H2AZ2: variants seen among roughly 807,000 people sequenced by gnomAD.
H2AZ2 encodes histone H2A.V.
H2AZ2 carries 5 observed loss-of-function variants against 15.5 expected under a neutral mutation model. The observed-to-expected ratio is 0.32, with a 90% confidence interval of 0.17 to 0.68. The LOEUF (loss-of-function observed/expected upper bound fraction) is 0.68. H2AZ2 is among the 30% of genes least tolerant of loss of function. H2AZ2 has a pLI of 0.72. For missense variants in H2AZ2, 42 were observed against 162.5 expected (o/e 0.26, Z 4.03); for synonymous variants, 44 against 57.4 (o/e 0.77, Z 1.05).
chr7:44,839,643 C>A (rs955102695), intron 3 of H2AZ2, among the ~76,000 whole-genome samples: 1 of 149,574 alleles, frequency 6.7e-6, no homozygotes, highest in South Asian at 2.1e-4. Context: ...GACTGCACCA[C>A]TGCACTCCAG....
intron 3 of H2AZ2, among the ~76,000 whole-genome samples, chr7:44,839,205 C>A (rs1159382549): frequency 1.3e-5 from 2 of 152,200 alleles, no homozygotes; most frequent in African/African-American, 2.4e-5. Context: ...CCCAAATCTT[C>A]ATAAACTACA....
Position 44,833,566 on chromosome 7 carries a change from G to T in H2AZ2, c.*935C>A. 2.3e-6 allele frequency: 1 copy of T among 444,186 alleles called. No homozygotes were observed. Among genetic ancestry groups the T allele is most frequent in the African/African-American group, 2.1e-5 (1 of 46,838 alleles). 27.5% of individuals were successfully genotyped at this position (444,186 alleles called of 1,614,324 possible). ...GCGTTTTACCATGTTGGCCAGGCTGGTCTCAAACTCCTGACCTCAAGTGTT... is the reference window on the plus strand; with the variant it reads ...GCGTTTTACCATGTTGGCCAGGCTGTTCTCAAACTCCTGACCTCAAGTGTT... On this transcript the variant is annotated 3_prime_UTR_variant, in exon 5 of 5. Transcript: ENST00000308153.
intron 3 of H2AZ2, 39 bp downstream of exon 3, chr7:44,840,860 T>C: frequency 1.4e-6 from 2 of 1,391,368 alleles, no homozygotes; most frequent in Non-Finnish European, 2.0e-6. Flanking sequence ...CTAGTGCACC[T>C]TCTGGATGGC....
At chr7:44,842,844 T>C (rs781235556) in intron 2 of H2AZ2, among the ~76,000 whole-genome samples, 19 of 152,040 alleles carry the variant, frequency 1.2e-4, no homozygotes, top group Non-Finnish European at 1.6e-4. Flanking sequence ...GCCTTCCTGA[T>C]TAAAAGGGTT....
chr7:44,829,460 G>T (rs1306130494), downstream of H2AZ2: 1 of 152,252 alleles, frequency 6.6e-6, no homozygotes, highest in South Asian at 2.1e-4. Flanking sequence ...AATTAGCTGG[G>T]CATGGTGGCG....
chr7:44,847,470 TA>T (rs1239713303), intron 1 of H2AZ2, among the ~76,000 whole-genome samples: 7 of 152,158 alleles, frequency 4.6e-5, no homozygotes, highest in African/African-American at 1.7e-4. Flanking sequence ...TTCTGGTCTA[TA>T]AAACCATTCT....
intron 3 of H2AZ2, among the ~76,000 whole-genome samples, chr7:44,836,889 G>A (rs967683120): frequency 2.0e-5 from 3 of 151,766 alleles, no homozygotes; most frequent in Non-Finnish European, 4.4e-5. Flanking sequence ...CCAGCTACTC[G>A]GGAGGGTGAG....
downstream of H2AZ2, among the ~76,000 whole-genome samples, chr7:44,830,908 T>C (rs1486387060): frequency 6.6e-6 from 1 of 152,074 alleles, no homozygotes; most frequent in Admixed American, 6.6e-5. Flanking sequence ...GTAGTCCCAG[T>C]TGCCTGGGAG....
intron 3 of H2AZ2, among the ~76,000 whole-genome samples, chr7:44,836,975 G>A (rs985708274): frequency 6.6e-6 from 1 of 151,658 alleles, no homozygotes; most frequent in Non-Finnish European, 1.5e-5. Flanking sequence ...CAGCCTGGAC[G>A]ACAGAGCGAG....
intron 3 of H2AZ2, among the ~76,000 whole-genome samples, chr7:44,837,433 G>GAAAAAAAAAAAAAAAAAAA (rs71011996): frequency 1.1e-5 from 1 of 87,270 alleles, no homozygotes; most frequent in Non-Finnish European, 2.1e-5. Flanking sequence ...AAAAAAAAAA[G>GAAAAAAAAAAAAAAAAAAA]AAAAAAAAAA....
At chr7:44,841,157 C>T (rs778373104) in intron 2 of H2AZ2, 145 bp from the exon 3 acceptor site, 19 of 604,366 alleles carry the variant, frequency 3.1e-5, no homozygotes, top group Non-Finnish European at 4.8e-5. Context: ...ATCAATAGTT[C>T]CCAGGGCCTG....
At chr7:44,838,997 T>C (rs574700029) in intron 3 of H2AZ2, among the ~76,000 whole-genome samples, 5 of 152,238 alleles carry the variant, frequency 3.3e-5, no homozygotes, top group African/African-American at 1.2e-4. Flanking sequence ...AAAGGAGGAA[T>C]AGGGATGGGG....
chr7:44,830,843 T>TAAAC (rs1028777918), downstream of H2AZ2, among the ~76,000 whole-genome samples: 1 of 151,840 alleles, frequency 6.6e-6, no homozygotes, highest in Non-Finnish European at 1.5e-5. Context: ...ACTACACAAA[T>TAAAC]AAACAAACAA....
intron 4 of H2AZ2, 101 bp downstream of exon 4, chr7:44,835,422 GTTTATA>G (rs1793095469): frequency 1.2e-6 from 1 of 833,658 alleles, no homozygotes; most frequent in Non-Finnish European, 1.8e-6. Context: ...TGAAATTAAA[GTTTATA>G]TGCTTTCTAG....
chr7:44,835,620 T>C lies in H2AZ2; in HGVS notation c.234A>G (p.Lys78=). Reference sequence around the variant, plus strand: ...AGTGACGCGGAGTGATACGCTTTACTTTGAGATCCTTAGAAGCATTACCTG... The same window carrying C: ...AGTGACGCGGAGTGATACGCTTTACCTTGAGATCCTTAGAAGCATTACCTG... The part of the protein sequence containing the change: ...ELAGNASKDL[K]VKRITPRHLQ... Residue 78 remains lysine, a synonymous_variant, in exon 4 of 5, where the codon AAA becomes AAG. Transcript: ENST00000308153. 1 of 1,612,488 alleles carries C rather than the reference T, an allele frequency of 6.2e-7. No homozygotes were observed. Among genetic ancestry groups the C allele is most frequent in the Non-Finnish European group, 8.5e-7 (1 of 1,179,064 alleles).
intron 2 of H2AZ2, among the ~76,000 whole-genome samples, chr7:44,841,464 G>T (rs963359059): frequency 2.0e-5 from 3 of 152,082 alleles, no homozygotes; most frequent in Non-Finnish European, 4.4e-5. Context: ...GAAAAAGAGG[G>T]TATTTTTCTC....
rs1338314330 is a variant in H2AZ2 at position 44,833,346 on chromosome 7, C to T, written c.*1155G>A. Among the ~76,000 whole-genome samples the T allele has an allele frequency of 6.6e-6, 1 of 152,178 alleles. No individual in the cohort carries two copies. The highest frequency in any genetic ancestry group is 2.4e-5 in the African/African-American group (1 of 41,446). Reference sequence around the variant, plus strand: ...CTCCCGGGTTCACGTCATTCTCATGCCTCAGCCTCCTGAGTAGCTGGGACT... The same window carrying T: ...CTCCCGGGTTCACGTCATTCTCATGTCTCAGCCTCCTGAGTAGCTGGGACT... On this transcript the variant is annotated 3_prime_UTR_variant, in exon 5 of 5. Coordinates refer to ENST00000308153, the MANE Select transcript of H2AZ2 (RefSeq NM_012412.5).
chr7:44,842,338 A>C (rs1354062135), intron 2 of H2AZ2, among the ~76,000 whole-genome samples: 1 of 152,168 alleles, frequency 6.6e-6, no homozygotes, highest in East Asian at 1.9e-4. Context: ...ATTTTACATA[A>C]ATGATCTCAA....
In H2AZ2 at chr7:44,833,771, T is replaced by C. The variant is rs1793050067; in HGVS notation, c.*730A>G. The C allele has an allele frequency of 2.4e-6, 2 of 839,702 alleles. No individual in the cohort carries two copies. Among genetic ancestry groups the C allele is most frequent in the South Asian group, 5.5e-5 (1 of 18,278 alleles). The allele number at this position is 839,702 out of a possible 1,614,324, so 52.0% of individuals were successfully genotyped here. ...TGAATCCTAGCTCTGTCATTTTCTA[T>C]CTACCAGTTCAATGTTTTTTGGCAT... On this transcript the variant is annotated 3_prime_UTR_variant, in exon 5 of 5. Transcript: ENST00000308153.
Sources: allele counts gnomAD v4.1 joint callset (sites outside exome capture counted in the v4.1 genomes callset), GRCh38; gene constraint gnomAD v4.1.1; transcripts MANE v1.5; gene names NCBI Gene and HGNC (gene_info 2026-07-23, HGNC 2026-07-21).